Variants in C1orf198 observed in about 807,000 individuals in gnomAD.
C1orf198 encodes chromosome 1 open reading frame 198.
C1orf198 carries 17 observed loss-of-function variants against 31.4 expected under a neutral mutation model. The ratio of observed to expected loss-of-function variants is 0.54; its 90% CI spans 0.37 to 0.81. C1orf198 has a LOEUF of 0.81. Among genes scored for constraint, C1orf198 ranks in the 40% least tolerant of loss-of-function variants. The pLI is 0.00. For missense variants in C1orf198, 401 were observed against 450.3 expected (o/e 0.89, Z 0.99); for synonymous variants, 175 against 193.8 (o/e 0.90, Z 0.81).
chr1:230,850,031 G>A (rs1669700540), intron 2 of C1orf198, among the ~76,000 whole-genome samples: 1 of 152,202 alleles, frequency 6.6e-6, no homozygotes, highest in African/African-American at 2.4e-5. Flanking sequence ...GAACTCAGCT[G>A]AGGCCCAACA....
At chr1:230,850,009 A>AT (rs1669699689) in intron 2 of C1orf198, among the ~76,000 whole-genome samples, 1 of 152,186 alleles carries the variant, frequency 6.6e-6, no homozygotes, top group Non-Finnish European at 1.5e-5. Context: ...GGCAAAAAAC[A>AT]CCAGCCAGGG....
chr1:230,846,380 C>T (rs16842376), intron 2 of C1orf198, among the ~76,000 whole-genome samples: 11,599 of 152,284 alleles, frequency 0.076, 1,437 homozygotes, highest in African/African-American at 0.26. Context: ...AATCAATGGT[C>T]TGTTCAGTCC....
At chr1:230,853,174 G>A (rs2180478) in intron 2 of C1orf198, among the ~76,000 whole-genome samples, 24,827 of 152,048 alleles carry the variant, frequency 0.16, 2,427 homozygotes, top group East Asian at 0.38. Context: ...GCCCTGCTCC[G>A]ATCATTGACC....
Position 230,843,743 on chromosome 1 carries a change from C to T in C1orf198, c.538G>A (p.Gly180Ser). 2 of 1,614,062 alleles carry T rather than the reference C, an allele frequency of 1.2e-6. No individual in the cohort carries two copies. Among genetic ancestry groups the T allele is most frequent in the South Asian group, 1.1e-5 (1 of 91,084 alleles). Reference protein sequence around the residue: ...GSRSSSLDALGPTRKEEEASF... With the variant: ...GSRSSSLDALSPTRKEEEASF... ...GCTTCCTCCTCCTTCCTGGTGGGGCCCAGGGCGTCCAGGCTGGAGGACCTG... is the reference window on the plus strand; with the variant it reads ...GCTTCCTCCTCCTTCCTGGTGGGGCTCAGGGCGTCCAGGCTGGAGGACCTG... The change falls in exon 3 of 4, where the codon GGC becomes AGC. Residue 180 changes from glycine to serine, a missense_variant. Gly to Ser is a moderately conservative substitution (Grantham distance 56, BLOSUM62 0). Coordinates refer to ENST00000366663, the MANE Select transcript of C1orf198 (RefSeq NM_032800.3). The surrounding 1 kb of genome is among the most constrained non-coding windows in gnomAD (Gnocchi z 4.9).
intron 2 of C1orf198, among the ~76,000 whole-genome samples, chr1:230,855,105 G>C: frequency 6.6e-6 from 1 of 152,188 alleles, no homozygotes; most frequent in Non-Finnish European, 1.5e-5. Context: ...GGCAACTTAG[G>C]AGATGGGGAA....
At position 230,843,452 on chromosome 1, in the gene C1orf198, C is replaced by T. The variant is rs902152923; in HGVS notation, c.829G>A (p.Glu277Lys). The T allele has an allele frequency of 4.4e-5, 70 of 1,604,674 alleles. No homozygotes were observed. The highest frequency in any genetic ancestry group is 1.0e-4 in the Admixed American group (6 of 58,396). Reference sequence around the variant, plus strand: ...CCCTCGAGCTGGGAGGGGGCAGCCTCGTGCAGTGCACTGCTGAAGGCCTGG... The same window carrying T: ...CCCTCGAGCTGGGAGGGGGCAGCCTTGTGCAGTGCACTGCTGAAGGCCTGG... ...PVQAFSSALH[E>K]AAPSQLEGKL... The change falls in exon 3 of 4, where the codon GAG becomes AAG. Residue 277 changes from glutamate (E) to lysine (K), a missense_variant. By Grantham distance (56) the Glu-to-Lys change is moderately conservative. Coordinates refer to ENST00000366663, the MANE Select transcript of C1orf198 (RefSeq NM_032800.3). The surrounding 1 kb of genome is among the most constrained non-coding windows in gnomAD (Gnocchi z 4.9).
rs1669915517 is a variant in C1orf198 at position 230,857,861 on chromosome 1, G to A, written c.334-2143C>T. Among the ~76,000 whole-genome samples, 1 of 152,212 alleles carries A rather than the reference G, an allele frequency of 6.6e-6. No homozygotes were observed. The highest frequency in any genetic ancestry group is 2.4e-5 in the African/African-American group (1 of 41,466). ...GTCAGTTCTGAGAACCACATAGTGTGTGCAACTAATGACCATGTGCACAGT... is the reference window on the plus strand; with the variant it reads ...GTCAGTTCTGAGAACCACATAGTGTATGCAACTAATGACCATGTGCACAGT... On this transcript the variant is annotated intron_variant, in intron 1 of 3. Transcript: ENST00000366663. This position sits in a 1 kb window ranked among gnomAD's most constrained non-coding sequence, Gnocchi z 4.2.
intron 1 of C1orf198, chr1:230,855,959 T>G: frequency 7.6e-7 from 1 of 1,308,056 alleles, no homozygotes; most frequent in East Asian, 2.9e-5. Flanking sequence ...CAACAGGGAA[T>G]GCCGGTGAGG....
intron 1 of C1orf198, among the ~76,000 whole-genome samples, chr1:230,863,532 G>A (rs932694873): frequency 6.6e-6 from 1 of 152,138 alleles, no homozygotes; most frequent in South Asian, 2.1e-4. Flanking sequence ...CTCCCTCCCC[G>A]CAGGTCTGTG....
intron 3 of C1orf198, among the ~76,000 whole-genome samples, chr1:230,841,580 C>T (rs767618705): frequency 1.3e-4 from 20 of 152,186 alleles, no homozygotes; most frequent in East Asian, 1.9e-4. Flanking sequence ...GTCTAAACCA[C>T]GGTGAGACAC....
At chr1:230,862,429 G>A (rs1670023912) in intron 1 of C1orf198, among the ~76,000 whole-genome samples, 1 of 152,154 alleles carries the variant, frequency 6.6e-6, no homozygotes, top group Non-Finnish European at 1.5e-5. Flanking sequence ...ACACACAGAT[G>A]TTTTACTCAT....
rs116064714 is a variant in C1orf198, at chr1:230,860,419, C to T, written c.334-4701G>A. ...GATCCTTATACCCCGATGTTTATAGCTGTGCCATTCACAATAGCCAAAAGA... is the reference window on the plus strand; with the variant it reads ...GATCCTTATACCCCGATGTTTATAGTTGTGCCATTCACAATAGCCAAAAGA... On this transcript the variant is annotated intron_variant, in intron 1 of 3. Coordinates refer to ENST00000366663, the MANE Select transcript of C1orf198 (RefSeq NM_032800.3). Among the ~76,000 whole-genome samples, 1,114 of 152,314 alleles carry T rather than the reference C, an allele frequency of 7.3e-3. 13 individuals carry two copies. Among genetic ancestry groups the T allele is most frequent in the African/African-American group, 0.026 (1,062 of 41,570 alleles).
rs766776790 is a variant in C1orf198, at chr1:230,843,879, A to G, written c.402T>C (p.Ser134=). Residue 134 remains serine (S), a synonymous_variant, in exon 3 of 4, where the codon AGT becomes AGC. Transcript: ENST00000366663. The surrounding 1 kb of genome is among the most constrained non-coding windows in gnomAD (Gnocchi z 4.9). Reference sequence around the variant, plus strand: ...GCTCCTGGATGGATAGGGCGGAGATACTGAACTCCATCTGACTCTAGGGTG... The same window carrying G: ...GCTCCTGGATGGATAGGGCGGAGATGCTGAACTCCATCTGACTCTAGGGTG... ...SWETKSQMEF[S]ISALSIQEPS... 2.0e-6 allele frequency: 3 copies of G among 1,513,824 alleles called. No homozygotes were observed. The African/African-American group carries it at 4.2e-5, about 21-fold the overall frequency. 93.8% of individuals were successfully genotyped at this position (1,513,824 alleles called of 1,614,324 possible).
upstream of C1orf198, chr1:230,869,101 G>C (rs35735562): frequency 0.15 from 22,135 of 152,620 alleles, 2,033 homozygotes; most frequent in East Asian, 0.38. Flanking sequence ...GCCTGGCGCG[G>C]TGAGCTGCAG....
Position 230,839,773 on chromosome 1 carries a change from G to T in C1orf198, c.*79C>A. The T allele has an allele frequency of 8.2e-6, 10 of 1,212,190 alleles. No individual in the cohort carries two copies. Among genetic ancestry groups the T allele is most frequent in the Admixed American group, 4.4e-5 (2 of 45,828 alleles). 75.1% of individuals were successfully genotyped at this position (1,212,190 alleles called of 1,614,324 possible). On this transcript the variant is annotated 3_prime_UTR_variant, in exon 4 of 4. Coordinates refer to ENST00000366663, the MANE Select transcript of C1orf198 (RefSeq NM_032800.3). ...GAAACCAGTAAAATACATAGGAAAA[G>T]GTGGCCCTTTTTATCCTCCTCCACC...
chr1:230,863,914 T>G (rs918877873), intron 1 of C1orf198, among the ~76,000 whole-genome samples: 1 of 152,140 alleles, frequency 6.6e-6, no homozygotes, highest in Non-Finnish European at 1.5e-5. Flanking sequence ...AAAAAATGAG[T>G]CCAAAATGCT....
At position 230,843,382 on chromosome 1, in the gene C1orf198, G is replaced by T. The variant is rs1022614441; in HGVS notation, c.899C>A (p.Thr300Asn). ...TGCAAACTTGGGTTCCGAGAACAGGGTGTCTTCCCCATCGTCCTGCCTGAC... is the reference window on the plus strand; with the variant it reads ...TGCAAACTTGGGTTCCGAGAACAGGTTGTCTTCCCCATCGTCCTGCCTGAC... ...PDVRQDDGED[T>N]LFSEPKFAQV... Residue 300 changes from threonine to asparagine, a missense_variant, in exon 3 of 4, where the codon ACC (threonine) becomes AAC (asparagine). Coordinates refer to ENST00000366663, the MANE Select transcript of C1orf198 (RefSeq NM_032800.3). This position sits in a 1 kb window ranked among gnomAD's most constrained non-coding sequence, Gnocchi z 4.9. 1.1e-5 allele frequency: 17 copies of T among 1,558,880 alleles called. No individual in the cohort carries two copies. In the African/African-American group the frequency reaches 1.2e-4, roughly 11 times the overall value.
At position 230,840,144 on chromosome 1, in the gene C1orf198, T is replaced by G. The variant is rs2102969561; in HGVS notation, c.928-236A>C. On this transcript the variant is annotated intron_variant, in intron 3 of 3. Coordinates refer to ENST00000366663, the MANE Select transcript of C1orf198 (RefSeq NM_032800.3). This position sits in a 1 kb window ranked among gnomAD's most constrained non-coding sequence, Gnocchi z 4.0. ...CCCTCTTCAACCCCAGGCATGTCTG[T>G]GAGCAGCTTACAGACCTTACAGAGA... Among the ~76,000 whole-genome samples the G allele has an allele frequency of 6.6e-6, 1 of 152,336 alleles. No individual in the cohort carries two copies. The highest frequency in any genetic ancestry group is 1.5e-5 in the Non-Finnish European group (1 of 68,030).
chr1:230,867,624 CT>C (rs1670150121), intron 1 of C1orf198, among the ~76,000 whole-genome samples: 1 of 152,118 alleles, frequency 6.6e-6, no homozygotes, highest in Admixed American at 6.5e-5. Flanking sequence ...TGGAAGACAC[CT>C]TTTCTTCCTT....
Sources: allele counts gnomAD v4.1 joint callset (sites outside exome capture counted in the v4.1 genomes callset), GRCh38; gene constraint gnomAD v4.1.1; non-coding constraint Gnocchi (gnomAD v3.1); transcripts MANE v1.5; gene names NCBI Gene and HGNC (gene_info 2026-07-23, HGNC 2026-07-21).